Variants in CCDC178 observed in about 807,000 individuals in gnomAD.
CCDC178 encodes coiled-coil domain containing 178.
Under a neutral mutation model 117.4 loss-of-function variants are expected in CCDC178, and 126 were observed. The ratio of observed to expected loss-of-function variants is 1.07; its 90% CI spans 0.93 to 1.24. The LOEUF (loss-of-function observed/expected upper bound fraction) is 1.24, where lower values mean the gene tolerates loss of function less well. Ranked by LOEUF, CCDC178 falls within the 50% of genes most tolerant of loss-of-function variation. The pLI is 0.00. For missense variants in CCDC178, 1,030 were observed against 986.9 expected, an observed-to-expected ratio of 1.04 and a Z score of -0.59; for synonymous variants, 283 against 313.4, an observed-to-expected ratio of 0.90 and a Z score of 1.02.
At chr18:33,157,223 A>G (rs1050229337) in intron 20 of CCDC178, among the ~76,000 whole-genome samples, 13 of 152,154 alleles carry the variant, frequency 8.5e-5, no homozygotes, top group African/African-American at 2.9e-4. Context: ...TGATCTTCCA[A>G]ATTAAACCTA....
intron 20 of CCDC178, among the ~76,000 whole-genome samples, chr18:33,113,815 A>C (rs1026688521): frequency 6.6e-6 from 1 of 152,048 alleles, no homozygotes; most frequent in Non-Finnish European, 1.5e-5. Flanking sequence ...TACAGGGTTT[A>C]TATATATAAC....
intron 20 of CCDC178, among the ~76,000 whole-genome samples, chr18:33,131,851 T>C (rs2058071400): frequency 6.6e-6 from 1 of 151,840 alleles, no homozygotes; most frequent in Non-Finnish European, 1.5e-5. Context: ...TCAGGTTATT[T>C]ACAAATATTA....
At chr18:32,949,375 A>C (rs1441850612) in intron 22 of CCDC178, among the ~76,000 whole-genome samples, 1 of 152,072 alleles carries the variant, frequency 6.6e-6, no homozygotes, top group African/African-American at 2.4e-5. Flanking sequence ...CTCAAGTGTC[A>C]CATTTATTAG....
intron 4 of CCDC178, among the ~76,000 whole-genome samples, chr18:33,392,360 G>C (rs1489041931): frequency 6.6e-6 from 1 of 152,094 alleles, no homozygotes; most frequent in Non-Finnish European, 1.5e-5. Flanking sequence ...ACGAGATGAG[G>C]TTTTCCCATA....
intron 3 of CCDC178, among the ~76,000 whole-genome samples, chr18:33,408,935 G>A (rs978650796): frequency 5.3e-5 from 8 of 152,148 alleles, no homozygotes; most frequent in Non-Finnish European, 8.8e-5. Context: ...CCCAAACAGA[G>A]CTAACCATTT....
chr18:33,294,963 T>G (rs1047700908), intron 11 of CCDC178, among the ~76,000 whole-genome samples: 1 of 152,206 alleles, frequency 6.6e-6, no homozygotes, highest in Non-Finnish European at 1.5e-5. Flanking sequence ...ATACTATGCT[T>G]GTCTCCACTG....
At chr18:33,015,901 T>C (rs1421954645) in intron 21 of CCDC178, among the ~76,000 whole-genome samples, 7 of 152,164 alleles carry the variant, frequency 4.6e-5, no homozygotes, top group Non-Finnish European at 1.0e-4. Context: ...TTTAGTGGCA[T>C]AGGATAGAAT....
At chr18:33,139,727 T>C (rs111805934) in intron 20 of CCDC178, among the ~76,000 whole-genome samples, 74 of 152,238 alleles carry the variant, frequency 4.9e-4, no homozygotes, top group Middle Eastern at 6.8e-3. Context: ...GCATAACAGT[T>C]TGGAAAAGTT....
intron 20 of CCDC178, among the ~76,000 whole-genome samples, chr18:33,116,408 G>A (rs577363134): frequency 6.6e-6 from 1 of 152,270 alleles, no homozygotes; most frequent in Non-Finnish European, 1.5e-5. Context: ...TTGCATTGCT[G>A]CATAACAAAT....
At chr18:33,337,104 G>C (rs2062750928) in intron 9 of CCDC178, among the ~76,000 whole-genome samples, 1 of 150,334 alleles carries the variant, frequency 6.7e-6, no homozygotes, top group African/African-American at 2.4e-5. Context: ...TCCTTGCAGA[G>C]GTCTTTCACA....
At chr18:32,950,081 A>G (rs1285032139) in intron 22 of CCDC178, among the ~76,000 whole-genome samples, 1 of 152,112 alleles carries the variant, frequency 6.6e-6, no homozygotes, top group Non-Finnish European at 1.5e-5. Context: ...ATTTCCACTA[A>G]TATTTTGGAT....
chr18:33,301,536 T>A (rs899607719), intron 11 of CCDC178, among the ~76,000 whole-genome samples: 1 of 152,130 alleles, frequency 6.6e-6, no homozygotes, highest in African/African-American at 2.4e-5. Flanking sequence ...CTCCAACTCA[T>A]GAGAATAGCT....
chr18:33,065,192 A>C (rs1357319223), intron 21 of CCDC178, among the ~76,000 whole-genome samples: 1 of 152,160 alleles, frequency 6.6e-6, no homozygotes, highest in Non-Finnish European at 1.5e-5. Context: ...ATTGCACAGT[A>C]GGGTGACATG....
chr18:33,333,353 G>A lies in CCDC178; in HGVS notation c.700C>T (p.His234Tyr), dbSNP rs1478578361. 1 of 1,610,810 alleles carries A rather than the reference G, an allele frequency of 6.2e-7. No individual in the cohort carries two copies. The change falls in exon 10 of 23, where the codon CAT (histidine) becomes TAT (tyrosine). Residue 234 changes from histidine (H) to tyrosine (Y), a missense_variant. Coordinates refer to ENST00000383096, the MANE Select transcript of CCDC178 (RefSeq NM_001105528.4). ...AGTTGATTAGCTTTATCTTCAAGAT[G>A]CCATTGTAATTCTATAACATCACTC... ...YLSDVIELQW[H>Y]LEDKANQLQH... is the part of the protein sequence containing the mutation.
chr18:32,987,621 T>C (rs201266523), intron 21 of CCDC178, among the ~76,000 whole-genome samples: 1 of 152,168 alleles, frequency 6.6e-6, no homozygotes, highest in East Asian at 1.9e-4. Context: ...TTGTAACTTA[T>C]ATACATTAAA....
chr18:33,099,113 T>A (rs924505160), intron 20 of CCDC178, among the ~76,000 whole-genome samples: 4 of 152,096 alleles, frequency 2.6e-5, no homozygotes, highest in African/African-American at 9.6e-5. Context: ...TTGTTGCCTA[T>A]GGCTTGTGAA....
intron 7 of CCDC178, among the ~76,000 whole-genome samples, chr18:33,353,427 A>G (rs925989628): frequency 2.1e-4 from 32 of 151,958 alleles, no homozygotes; most frequent in African/African-American, 7.5e-4. Context: ...GGAAGGGATT[A>G]TTTTTGCCAT....
chr18:33,036,047 A>G (rs925962498), intron 21 of CCDC178, among the ~76,000 whole-genome samples: 24 of 151,934 alleles, frequency 1.6e-4, no homozygotes, highest in African/African-American at 5.8e-4. Flanking sequence ...GTGGCATTTT[A>G]TATTTATGCC....
At chr18:33,434,447 C>T (rs908589993) in intron 2 of CCDC178, among the ~76,000 whole-genome samples, 1 of 152,032 alleles carries the variant, frequency 6.6e-6, no homozygotes. Context: ...GATTTCATGG[C>T]ATAATATTTG....
Sources: gnomAD v4.1 joint callset for allele counts (sites outside exome capture counted in the v4.1 genomes callset) on GRCh38, gnomAD v4.1.1 for gene constraint, MANE v1.5 for transcripts, NCBI Gene and HGNC (gene_info 2026-07-23, HGNC 2026-07-21) for gene names.